The following SVEP1 variants were observed in gnomAD, a reference collection of about 807,000 sequenced individuals.
SVEP1 encodes sushi, von Willebrand factor type A, EGF and pentraxin domain-containing protein 1.
In SVEP1, 164 loss-of-function variants were observed where a neutral mutation model predicts 367.3. That is an observed-to-expected ratio of 0.45 (90% CI 0.39 to 0.51). The LOEUF (loss-of-function observed/expected upper bound fraction) is 0.51. Ranked by LOEUF, SVEP1 falls within the 20% of genes least tolerant of loss-of-function variation. The pLI, the probability that SVEP1 is intolerant of heterozygous loss-of-function variation, is 0.00. For missense variants in SVEP1, 4,117 were observed against 4,425.3 expected, an observed-to-expected ratio of 0.93 and a Z score of 1.98; for synonymous variants, 1,666 against 1,611.6, an observed-to-expected ratio of 1.03 and a Z score of -0.81.
At chr9:110,504,993 C>T (rs955441094) in intron 5 of SVEP1, among the ~76,000 whole-genome samples, 5 of 152,218 alleles carry the variant, frequency 3.3e-5, no homozygotes, top group African/African-American at 1.2e-4. Context: ...TTTGAATTCA[C>T]CATGAGAAAG....
intron 40 of SVEP1, among the ~76,000 whole-genome samples, chr9:110,400,534 T>C (rs1329241935): frequency 6.6e-6 from 1 of 152,078 alleles, no homozygotes; most frequent in African/African-American, 2.4e-5. Flanking sequence ...GAACAGCTAA[T>C]TTTTGTATTT....
In SVEP1 at chr9:110,458,513, G is replaced by A; in HGVS notation, c.3534C>T (p.Ala1178=). 1 of 1,613,022 alleles carries A rather than the reference G, an allele frequency of 6.2e-7. No homozygotes were observed. Among genetic ancestry groups the A allele is most frequent in the Non-Finnish European group, 8.5e-7 (1 of 1,179,624 alleles). The change falls in exon 20 of 48, where the codon GCC becomes GCT. Residue 1178 remains alanine, a synonymous_variant. Transcript: ENST00000374469. ...GCCTCTTTTTAATATGTCCAAGAGAGGCAGGGGGCACCACACTTTCCTCTG... is the reference window on the plus strand; with the variant it reads ...GCCTCTTTTTAATATGTCCAAGAGAAGCAGGGGGCACCACACTTTCCTCTG... The part of the protein sequence containing the change: ...SAAEESVVPP[A]SLGHIKKRHE...
At chr9:110,528,156 G>GTGTGTGTGTGTTTATATATATATA in intron 3 of SVEP1, among the ~76,000 whole-genome samples, 1 of 33,940 alleles carries the variant, frequency 2.9e-5, no homozygotes, top group Non-Finnish European at 5.7e-5. Flanking sequence ...GTGTGTGTGT[G>GTGTGTGTGTGTTTATATATATATA]TATATATATA....
At chr9:110,397,394 A>T (rs1031531010) in intron 40 of SVEP1, among the ~76,000 whole-genome samples, 24 of 152,232 alleles carry the variant, frequency 1.6e-4, no homozygotes, top group African/African-American at 5.8e-4. Context: ...ATCATACTGA[A>T]TGGGCAAAAA....
chr9:110,377,405 T>C, intron 44 of SVEP1, 39 bp from the exon 45 acceptor site: 2 of 1,583,648 alleles, frequency 1.3e-6, no homozygotes, highest in South Asian at 2.2e-5. Flanking sequence ...TGTAGGGAAT[T>C]ATGAAGGGAA....
chr9:110,501,342 T>C (rs1441630624), intron 6 of SVEP1, among the ~76,000 whole-genome samples: 2 of 151,810 alleles, frequency 1.3e-5, no homozygotes, highest in African/African-American at 4.8e-5. Flanking sequence ...ATATTTTCCA[T>C]AGATCTTTTG....
chr9:110,573,183 A>G (rs1284065407), intron 1 of SVEP1, among the ~76,000 whole-genome samples: 1 of 96,850 alleles, frequency 1.0e-5, no homozygotes. Flanking sequence ...CCTTCCTATA[A>G]AAAAAAAAAG....
Position 110,550,524 on chromosome 9 carries a change from A to G in SVEP1, c.532-420T>C, listed in dbSNP as rs183991377. Among the ~76,000 whole-genome samples the G allele has an allele frequency of 5.4e-3, 781 of 144,500 alleles. 4 individuals carry two copies. Among genetic ancestry groups the G allele is most frequent in the African/African-American group, 8.1e-3 (313 of 38,754 alleles). 94.8% of individuals were successfully genotyped at this position (144,500 alleles called of 152,430 possible). ...TATCTATCTATCTATCTATCTATCT[A>G]TCTGTCTATCATCTCTATCCAAACC... is the stretch of plus-strand genomic sequence containing the variant. On this transcript the variant is annotated intron_variant, in intron 1 of 47. Transcript: ENST00000374469.
At chr9:110,444,196 T>C (rs113828985) in intron 26 of SVEP1, among the ~76,000 whole-genome samples, 15 of 152,346 alleles carry the variant, frequency 9.8e-5, no homozygotes, top group African/African-American at 3.4e-4. Flanking sequence ...ATGGTTTGAA[T>C]ATTTGTATGC....
chr9:110,564,173 C>T (rs62571272), intron 1 of SVEP1, among the ~76,000 whole-genome samples: 49,490 of 152,022 alleles, frequency 0.33, 8,428 homozygotes, highest in African/African-American at 0.42. Flanking sequence ...ACAAGTATTT[C>T]GGAAATGTAT....
intron 43 of SVEP1, 36 bp downstream of exon 43, chr9:110,385,862 C>A: frequency 1.3e-6 from 2 of 1,594,716 alleles, no homozygotes; most frequent in Non-Finnish European, 1.7e-6. Context: ...ACATTTCGCA[C>A]TAGCGGCATG....
chr9:110,512,780 T>C (rs1193037454), intron 5 of SVEP1, 146 bp downstream of exon 5: 3 of 971,058 alleles, frequency 3.1e-6, no homozygotes, highest in Middle Eastern at 2.1e-4. Context: ...AATTCTGATT[T>C]CAAATTTCCT....
In SVEP1 at chr9:110,445,821, C is replaced by CGACACTTCT; in HGVS notation, c.4463+7_4463+15dup. Reference sequence around the variant, plus strand: ...GATAAGATCTTAAGCATAGCCTTCCCGACACTTCTGCTTACCCGTTATAAT... The same window carrying CGACACTTCT: ...GATAAGATCTTAAGCATAGCCTTCCCGACACTTCTGACACTTCTGCTTACCCGTTATAAT... On this transcript the variant is annotated intron_variant, in intron 26 of 47. Transcript: ENST00000374469. 1.2e-6 allele frequency: 2 copies of CGACACTTCT among 1,613,188 alleles called. No individual in the cohort carries two copies. The highest frequency in any genetic ancestry group is 2.2e-5 in the South Asian group (2 of 91,038).
In SVEP1 at chr9:110,430,412, C is replaced by T. The variant is rs769077208; in HGVS notation, c.5392G>A (p.Gly1798Ser). 1.2e-6 allele frequency: 2 copies of T among 1,612,868 alleles called. No individual in the cohort carries two copies. The highest frequency in any genetic ancestry group is 2.2e-5 in the South Asian group (2 of 90,832). ...GTATAAATCTCACCTGAGGAGTGGCCATTTTCCGGATTTCCTGGAGCCTTA... is the reference window on the plus strand; with the variant it reads ...GTATAAATCTCACCTGAGGAGTGGCTATTTTCCGGATTTCCTGGAGCCTTA... ...KCKAPGNPEN[G>S]HSSGEIYTVG... The change falls in exon 33 of 48, where the codon GGC becomes AGC. Residue 1798 changes from glycine (G) to serine (S), a missense_variant. By Grantham distance (56) the Gly-to-Ser change is moderately conservative (BLOSUM62 0). Around this residue, in one of 4 missense-constraint regions of SVEP1, gnomAD observed 2,174 missense variants for 2,494.3 expected, o/e 0.87. Transcript: ENST00000374469.
chr9:110,394,750 C>T (rs1827729627), intron 40 of SVEP1, among the ~76,000 whole-genome samples: 1 of 152,032 alleles, frequency 6.6e-6, no homozygotes, highest in East Asian at 1.9e-4. Context: ...GAAAGGGTAT[C>T]AGTGATGGAA....
intron 40 of SVEP1, among the ~76,000 whole-genome samples, chr9:110,398,571 G>GA (rs151042174): frequency 0.2 from 30,812 of 151,994 alleles, 3,243 homozygotes; most frequent in Middle Eastern, 0.32. Flanking sequence ...CAGAATGGGA[G>GA]AAAATTTTTC....
intron 40 of SVEP1, among the ~76,000 whole-genome samples, chr9:110,396,667 C>T (rs1470841011): frequency 1.9e-5 from 2 of 103,602 alleles, no homozygotes; most frequent in Non-Finnish European, 4.1e-5. Flanking sequence ...GGGGATATCA[C>T]CACTGATCCC....
chr9:110,406,137 A>G (rs773877901), intron 38 of SVEP1, 23 bp downstream of exon 38: 2 of 1,519,520 alleles, frequency 1.3e-6, no homozygotes, highest in South Asian at 1.3e-5. Flanking sequence ...CACCCCTTGG[A>G]GACCCTAGAG....
In SVEP1 at chr9:110,481,384, A is replaced by T; in HGVS notation, c.2223T>A (p.Thr741=). 1 of 1,605,832 alleles carries T rather than the reference A, an allele frequency of 6.2e-7. No homozygotes were observed. Among genetic ancestry groups the T allele is most frequent in the Admixed American group, 1.7e-5 (1 of 58,866 alleles). Residue 741 remains threonine, a synonymous_variant, in exon 12 of 48, where the codon ACT becomes ACA. Transcript: ENST00000374469. ...TACAGTTGACTCCAGTATTATCTGG[A>T]GTGCATATAAAATCCCCATTTACAG... The part of the protein sequence containing the change: ...FTPVNGDFIC[T]PDNTGVNCTL...
Sources: gnomAD v4.1 joint callset for allele counts (sites outside exome capture counted in the v4.1 genomes callset) on GRCh38, gnomAD v4.1.1 for gene constraint, gnomAD v4.1.1 regional missense constraint, MANE v1.5 for transcripts, NCBI Gene and HGNC (gene_info 2026-07-23, HGNC 2026-07-21) for gene names.